FGD6: variants seen among roughly 807,000 people sequenced by gnomAD.
The protein encoded by FGD6 is FYVE, RhoGEF and PH domain containing 6.
Under a neutral mutation model 149.4 loss-of-function variants are expected in FGD6, and 90 were observed. That is an observed-to-expected ratio of 0.60 (90% CI 0.51 to 0.72). The LOEUF (loss-of-function observed/expected upper bound fraction) is 0.72, where lower values mean the gene tolerates loss of function less well. FGD6 is among the 30% of genes least tolerant of loss of function. The probability of loss-of-function intolerance (pLI) is 0.00; values close to 1 mark genes in which losing one functional copy is unlikely to be tolerated. For synonymous variants in FGD6, 527 were observed against 584.0 expected, an observed-to-expected ratio of 0.90 and a Z score of 1.41; for missense variants, 1,437 against 1,684.8, an observed-to-expected ratio of 0.85 and a Z score of 2.57.
intron 2 of FGD6, among the ~76,000 whole-genome samples, chr12:95,190,112 C>T (rs974951515): frequency 2.6e-5 from 4 of 152,124 alleles, no homozygotes; most frequent in African/African-American, 9.7e-5. Context: ...TTTTACCTGC[C>T]TTCTAACAGC....
intron 2 of FGD6, among the ~76,000 whole-genome samples, chr12:95,181,853 C>T (rs950392668): frequency 4.6e-5 from 7 of 151,348 alleles, no homozygotes; most frequent in Admixed American, 2.0e-4. Flanking sequence ...ACTCAGGAGG[C>T]TGAGGCAGGA....
intron 8 of FGD6, among the ~76,000 whole-genome samples, chr12:95,121,465 ATATATATATATATATG>A (rs1565901348): frequency 8.8e-5 from 4 of 45,402 alleles, no homozygotes; most frequent in African/African-American, 5.3e-4. Context: ...AAAAAAAAAG[ATATATATATATATATG>A]TATATATATA....
rs554013391 is a variant in FGD6, at chr12:95,215,247, T to C, written c.16+1978A>G. 2.6e-5 allele frequency among the ~76,000 whole-genome samples: 4 copies of C among 152,368 alleles called. No individual in the cohort carries two copies. The South Asian group carries it at 8.3e-4, about 32-fold the overall frequency. On this transcript the variant is annotated intron_variant, in intron 1 of 20. Coordinates refer to ENST00000343958, the MANE Select transcript of FGD6 (RefSeq NM_018351.4). ...ATAGATGTAGAAAAACAAAGCAAGC[T>C]TTTCTGCTGGATACATATAACCTAG...
chr12:95,131,654 A>C (rs1269988671), intron 8 of FGD6, among the ~76,000 whole-genome samples: 1 of 152,174 alleles, frequency 6.6e-6, no homozygotes, highest in Non-Finnish European at 1.5e-5. Flanking sequence ...GCATAGGATG[A>C]AGAATACAAA....
At chr12:95,083,695 T>A (rs1439958311) in intron 20 of FGD6, among the ~76,000 whole-genome samples, 1 of 152,220 alleles carries the variant, frequency 6.6e-6, no homozygotes, top group African/African-American at 2.4e-5. Flanking sequence ...GCAATTCTGG[T>A]ACATTAATCT....
rs1881428152 is a variant in FGD6 at position 95,186,225 on chromosome 12, C to CTTTTTT, written c.2442-13482_2442-13481insAAAAAA. On this transcript the variant is annotated intron_variant, in intron 2 of 20. Coordinates refer to ENST00000343958, the MANE Select transcript of FGD6 (RefSeq NM_018351.4). ...AGCTAAGAATGCTTCTTATATTCTT[C>CTTTTTT]TTCTTTTTTTTTTTTTTTTTTTTTT... Among the ~76,000 whole-genome samples the CTTTTTT allele has an allele frequency of 3.7e-4, 26 of 71,182 alleles. 12 individuals are homozygous for CTTTTTT. The highest frequency in any genetic ancestry group is 1.9e-3 in the East Asian group (4 of 2,076). 46.7% of individuals were successfully genotyped at this position (71,182 alleles called of 152,430 possible). A position where few individuals can be genotyped will look rare whatever the true frequency, so the allele number is the denominator to read the frequency against.
chr12:95,156,341 G>T (rs1477667470), intron 3 of FGD6, among the ~76,000 whole-genome samples: 2 of 152,106 alleles, frequency 1.3e-5, no homozygotes, highest in Non-Finnish European at 2.9e-5. Flanking sequence ...CTGAGGGTGG[G>T]CCTCTGAAAT....
chr12:95,127,493 A>C (rs1400713015), intron 8 of FGD6, among the ~76,000 whole-genome samples: 1 of 152,154 alleles, frequency 6.6e-6, no homozygotes, highest in Non-Finnish European at 1.5e-5. Flanking sequence ...GTAGTGAGCC[A>C]AGATCGTGCC....
chr12:95,141,225 A>G (rs1368870408), intron 6 of FGD6, among the ~76,000 whole-genome samples, 163 bp downstream of exon 6: 1 of 152,236 alleles, frequency 6.6e-6, no homozygotes, highest in Non-Finnish European at 1.5e-5. Context: ...TCTATCTCAA[A>G]AACAAAAAAC....
In FGD6 at chr12:95,137,652, A is replaced by C. The variant is rs767352641; in HGVS notation, c.2864T>G (p.Ile955Ser). Residue 955 changes from isoleucine (I) to serine (S), a missense_variant, in exon 7 of 21, where the codon ATC (isoleucine) becomes AGC (serine). By Grantham distance (142) the Ile-to-Ser change is moderately radical. This residue lies in a region of FGD6 where 1,055 missense variants were observed against 1,146.0 expected (regional missense o/e 0.92). Coordinates refer to ENST00000343958, the MANE Select transcript of FGD6 (RefSeq NM_018351.4). ...TAGATATGGTCCCTTCTTTACAAAGATATCAGCAATTCTTTGTTGTTCAGT... is the reference window on the plus strand; with the variant it reads ...TAGATATGGTCCCTTCTTTACAAAGCTATCAGCAATTCTTTGTTGTTCAGT... ...HWTEQQRIAD[I>S]FVKKGPYLKM... is the part of the protein sequence containing the mutation. 1 of 1,604,660 alleles carries C rather than the reference A, an allele frequency of 6.2e-7. No homozygotes were observed. The highest frequency in any genetic ancestry group is 2.2e-5 in the East Asian group (1 of 44,750).
chr12:95,123,201 G>A lies in FGD6; in HGVS notation c.3083-9500C>T, dbSNP rs184062187. Among the ~76,000 whole-genome samples the A allele has an allele frequency of 2.3e-3, 344 of 152,138 alleles. 1 individual carries two copies. Among genetic ancestry groups the A allele is most frequent in the African/African-American group, 6.8e-3 (284 of 41,494 alleles). On this transcript the variant is annotated intron_variant, in intron 8 of 20. Coordinates refer to ENST00000343958, the MANE Select transcript of FGD6 (RefSeq NM_018351.4). ...ACCTGAGGACAGGAGTTTGAGACAA[G>A]CCTGGCCAACATGGTGAAACCCTGT... is the stretch of plus-strand genomic sequence containing the variant.
intron 2 of FGD6, among the ~76,000 whole-genome samples, chr12:95,178,100 C>T (rs1881184001): frequency 6.6e-6 from 1 of 152,034 alleles, no homozygotes; most frequent in Non-Finnish European, 1.5e-5. Context: ...CTCTCCTTTT[C>T]AGGTCTTCTC....
chr12:95,113,850 A>G, intron 8 of FGD6, 149 bp from the exon 9 acceptor site: 1 of 512,528 alleles, frequency 2.0e-6, no homozygotes, highest in Non-Finnish European at 3.4e-6. Context: ...GAAAAAATAA[A>G]GCCCTGAGAT....
At chr12:95,126,068 G>C in intron 8 of FGD6, 1 of 1,205,680 alleles carries the variant, frequency 8.3e-7, no homozygotes, top group South Asian at 1.2e-5. Context: ...GGAAAGCCAA[G>C]ATGACAGATT....
At chr12:95,143,881 T>C (rs999113919) in intron 5 of FGD6, among the ~76,000 whole-genome samples, 2 of 152,220 alleles carry the variant, frequency 1.3e-5, no homozygotes, top group African/African-American at 4.8e-5. Context: ...AGTTCCTTGC[T>C]CAGCAAAGCA....
At chr12:95,203,334 AG>A (rs1400421124) in intron 2 of FGD6, among the ~76,000 whole-genome samples, 1 of 152,212 alleles carries the variant, frequency 6.6e-6, no homozygotes, top group Non-Finnish European at 1.5e-5. Flanking sequence ...CAAAGTTTCA[AG>A]GGACAACAAT....
At chr12:95,134,008 C>G (rs1879596362) in intron 8 of FGD6, among the ~76,000 whole-genome samples, 1 of 152,046 alleles carries the variant, frequency 6.6e-6, no homozygotes. Context: ...GCTCTATAAT[C>G]TTGAAGCTTA....
chr12:95,134,210 G>A (rs116083378), intron 8 of FGD6, among the ~76,000 whole-genome samples: 1,653 of 152,036 alleles, frequency 0.011, 39 homozygotes, highest in African/African-American at 0.039. Context: ...AGATCCTCCC[G>A]CCTCAGCCTC....
In FGD6 at chr12:95,141,520, G is replaced by C; in HGVS notation, c.2705C>G (p.Ala902Gly). Residue 902 changes from alanine (A) to glycine (G), a missense_variant, in exon 6 of 21, where the codon GCT becomes GGT. Ala to Gly is a moderately conservative substitution (Grantham distance 60, BLOSUM62 0). Around this residue, in one of 2 missense-constraint regions of FGD6, gnomAD observed 1,055 missense variants for 1,146.0 expected, o/e 0.92. Transcript: ENST00000343958. ...LLHIDFRDAV[A>G]HASRQLGKPV... ...TTTCCCAAGTTGCCTGGAAGCATGAGCTACTGCATCCCGGAAATCCTATTA... is the reference window on the plus strand; with the variant it reads ...TTTCCCAAGTTGCCTGGAAGCATGACCTACTGCATCCCGGAAATCCTATTA... The C allele has an allele frequency of 1.9e-6, 3 of 1,614,102 alleles. No individual in the cohort carries two copies. The highest frequency in any genetic ancestry group is 2.5e-6 in the Non-Finnish European group (3 of 1,180,012).
Sources: gnomAD v4.1 joint callset for allele counts (sites outside exome capture counted in the v4.1 genomes callset) on GRCh38, gnomAD v4.1.1 for gene constraint, gnomAD v4.1.1 regional missense constraint, MANE v1.5 for transcripts, NCBI Gene and HGNC (gene_info 2026-07-23, HGNC 2026-07-21) for gene names.